The following TOP6BL variants were observed in gnomAD, a reference collection of about 807,000 sequenced individuals.
The protein encoded by TOP6BL is TOP6B like initiator of meiotic double strand breaks.
At chr11:66,761,568 G>C in the TOP6BL span, 4 of 1,116,100 alleles carry the variant, frequency 3.6e-6, no homozygotes, top group African/African-American at 6.4e-5. Context: ...TTCAGTGTCT[G>C]TCTGCTCTAC....
the TOP6BL span, chr11:66,838,289 C>A: frequency 7.7e-7 from 1 of 1,295,436 alleles, no homozygotes; most frequent in Non-Finnish European, 1.1e-6. Context: ...GTCAGTGAAG[C>A]CACCAGGCAC....
chr11:66,758,918 T>G, the TOP6BL span: 2 of 499,088 alleles, frequency 4.0e-6, no homozygotes, highest in Non-Finnish European at 6.8e-6. Context: ...TTTACCAAAC[T>G]CATTAGTAGT....
the TOP6BL span, among the ~76,000 whole-genome samples, chr11:66,778,850 A>G: frequency 6.6e-6 from 1 of 152,230 alleles, no homozygotes; most frequent in Non-Finnish European, 1.5e-5. Context: ...GCCCTTAGAA[A>G]TAATGACGCA....
the TOP6BL span, among the ~76,000 whole-genome samples, chr11:66,777,762 C>T: frequency 1.3e-5 from 2 of 152,040 alleles, no homozygotes; most frequent in Non-Finnish European, 2.9e-5. Context: ...GTCCCAGCTA[C>T]TCGGGAGGCT....
chr11:66,824,456 ATTATT>A, the TOP6BL span, among the ~76,000 whole-genome samples: 1 of 124,558 alleles, frequency 8.0e-6, no homozygotes, highest in Admixed American at 8.0e-5. Context: ...TATTATTATT[ATTATT>A]ATACTTTAAG....
chr11:66,808,692 G>A, the TOP6BL span, among the ~76,000 whole-genome samples: 1 of 152,254 alleles, frequency 6.6e-6, no homozygotes, highest in South Asian at 2.1e-4. Flanking sequence ...ATAAAATTCA[G>A]TACACTGGTT....
At chr11:66,760,148 G>A in the TOP6BL span, among the ~76,000 whole-genome samples, 8 of 152,208 alleles carry the variant, frequency 5.3e-5, no homozygotes, top group South Asian at 1.0e-3. Flanking sequence ...ATCTGTCCTT[G>A]CTTTAAGAAA....
the TOP6BL span, among the ~76,000 whole-genome samples, chr11:66,750,897 C>A: frequency 1.3e-5 from 2 of 148,664 alleles, no homozygotes; most frequent in Non-Finnish European, 3.0e-5. Context: ...GAGACAGGGT[C>A]TCTTGCTATG....
chr11:66,767,773 G>A, the TOP6BL span, among the ~76,000 whole-genome samples: 1 of 152,084 alleles, frequency 6.6e-6, no homozygotes, highest in South Asian at 2.1e-4. Flanking sequence ...TTTGGTGTCA[G>A]GGAGACTTTT....
At chr11:66,767,075 T>A in the TOP6BL span, among the ~76,000 whole-genome samples, 7 of 152,176 alleles carry the variant, frequency 4.6e-5, no homozygotes, top group Admixed American at 4.6e-4. Context: ...ATTCTTCCCT[T>A]AATGATTCCT....
chr11:66,792,000 G>A, the TOP6BL span, among the ~76,000 whole-genome samples: 1 of 152,026 alleles, frequency 6.6e-6, no homozygotes, highest in African/African-American at 2.4e-5. Context: ...TATATTTTTA[G>A]TAGAGATGGG....
chr11:66,773,925 C>T, the TOP6BL span, among the ~76,000 whole-genome samples: 2 of 151,880 alleles, frequency 1.3e-5, no homozygotes, highest in Non-Finnish European at 2.9e-5. Context: ...TTAGTAGAGA[C>T]ACCATGTTGG....
the TOP6BL span, among the ~76,000 whole-genome samples, chr11:66,777,805 G>C: frequency 6.6e-6 from 1 of 152,180 alleles, no homozygotes; most frequent in African/African-American, 2.4e-5. Context: ...CCGGGAGGTG[G>C]AGGTTGCAGT....
chr11:66,775,598 G>A, the TOP6BL span, among the ~76,000 whole-genome samples: 1 of 152,208 alleles, frequency 6.6e-6, no homozygotes, highest in South Asian at 2.1e-4. Context: ...ATGAGGCTAG[G>A]ATGTCTCAGA....
At chr11:66,762,032 T>C in the TOP6BL span, 1 of 1,479,022 alleles carries the variant, frequency 6.8e-7, no homozygotes, top group Non-Finnish European at 9.4e-7. Flanking sequence ...CAGTGATTTT[T>C]TCCCCCCAGC....
the TOP6BL span, among the ~76,000 whole-genome samples, chr11:66,812,325 C>G: frequency 6.6e-6 from 1 of 152,144 alleles, no homozygotes; most frequent in East Asian, 1.9e-4. Context: ...TACAGGCGCC[C>G]GCCACTACGC....
the TOP6BL span, chr11:66,828,587 T>C: frequency 4.2e-6 from 2 of 476,316 alleles, no homozygotes; most frequent in Non-Finnish European, 7.6e-6. Flanking sequence ...GTTTCATGTG[T>C]TGTATCCAGG....
the TOP6BL span, among the ~76,000 whole-genome samples, chr11:66,783,856 C>G: frequency 6.6e-6 from 1 of 152,038 alleles, no homozygotes; most frequent in Non-Finnish European, 1.5e-5. Flanking sequence ...GGCAGGGTCT[C>G]ACTCTGTCAC....
chr11:66,819,600 G>A, the TOP6BL span, among the ~76,000 whole-genome samples: 1 of 151,240 alleles, frequency 6.6e-6, no homozygotes, highest in African/African-American at 2.4e-5. Context: ...GCGAGACCTC[G>A]TCTCTACATA....
Sources: gnomAD v4.1 joint callset for allele counts (sites outside exome capture counted in the v4.1 genomes callset) on GRCh38, gnomAD v4.1.1 for gene constraint, MANE v1.5 for transcripts, NCBI Gene and HGNC (gene_info 2026-07-23, HGNC 2026-07-21) for gene names.